Variants in AMTN observed in about 807,000 individuals in gnomAD.
AMTN encodes the protein amelotin.
Under a neutral mutation model 27.4 loss-of-function variants are expected in AMTN, and 29 were observed. The ratio of observed to expected loss-of-function variants is 1.06; its 90% CI spans 0.79 to 1.44. The LOEUF (loss-of-function observed/expected upper bound fraction) is 1.44, where lower values mean the gene tolerates loss of function less well. Ranked by LOEUF, AMTN falls within the 40% of genes most tolerant of loss-of-function variation. AMTN has a pLI of 0.00. For missense variants in AMTN, 247 were observed against 248.8 expected (o/e 0.99, Z 0.05); for synonymous variants, 86 against 95.7 (o/e 0.90, Z 0.59).
intron 2 of AMTN, 128 bp downstream of exon 2, chr4:70,518,959 G>A (rs926128202): frequency 1.0e-5 from 8 of 767,136 alleles, no homozygotes; most frequent in African/African-American, 7.0e-5. Context: ...AGTGTCCAGT[G>A]TTTATTTTCC....
At chr4:70,526,588 C>T (rs28670765) in intron 5 of AMTN, among the ~76,000 whole-genome samples, 17,725 of 152,088 alleles carry the variant, frequency 0.12, 1,278 homozygotes, top group Middle Eastern at 0.23. Context: ...ATTTAAGATG[C>T]AAATAAAAAG....
intron 2 of AMTN, among the ~76,000 whole-genome samples, chr4:70,521,058 G>A (rs1278578509): frequency 6.6e-6 from 1 of 152,098 alleles, no homozygotes; most frequent in African/African-American, 2.4e-5. Context: ...GACCACTGTG[G>A]GGTCTCTGGC....
rs151199095 is a variant in AMTN, at chr4:70,527,780, C to T, written c.295-943C>T. Among the ~76,000 whole-genome samples the T allele has an allele frequency of 2.6e-3, 392 of 152,204 alleles. 2 individuals are homozygous for T. Among genetic ancestry groups the T allele is most frequent in the Middle Eastern group, 0.024 (7 of 294 alleles). On this transcript the variant is annotated intron_variant, in intron 5 of 8. Coordinates refer to ENST00000339336, the MANE Select transcript of AMTN (RefSeq NM_212557.4). ...TAGCTTTCTTTGACAAACTTCTGGC[C>T]GGTTCTCAAAGTAGCAGAGTATGGG...
chr4:70,522,482 A>G (rs1735995404), intron 2 of AMTN, among the ~76,000 whole-genome samples: 1 of 152,188 alleles, frequency 6.6e-6, no homozygotes, highest in African/African-American at 2.4e-5. Flanking sequence ...GGTACAGAAA[A>G]GAAATGGGAG....
chr4:70,532,567 T>A lies in AMTN; in HGVS notation c.*102T>A, dbSNP rs1334930785. The A allele has an allele frequency of 9.6e-7, 1 of 1,046,688 alleles. No individual in the cohort carries two copies. The highest frequency in any genetic ancestry group is 1.4e-6 in the Non-Finnish European group (1 of 709,640). 64.8% of individuals were successfully genotyped at this position (1,046,688 alleles called of 1,614,324 possible). On this transcript the variant is annotated 3_prime_UTR_variant, in exon 9 of 9. Coordinates refer to ENST00000339336, the MANE Select transcript of AMTN (RefSeq NM_212557.4). ...GAATAGATTGAGACACATTGGATAG[T>A]CTTAGAAGAAATTAATTCTTAATTT...
At chr4:70,520,042 C>T (rs925987859) in intron 2 of AMTN, among the ~76,000 whole-genome samples, 1 of 148,736 alleles carries the variant, frequency 6.7e-6, no homozygotes, top group Admixed American at 6.8e-5. Context: ...TCTTTCACTT[C>T]GTCAAATACA....
At chr4:70,521,484 G>A (rs568398203) in intron 2 of AMTN, among the ~76,000 whole-genome samples, 66 of 148,844 alleles carry the variant, frequency 4.4e-4, no homozygotes, top group South Asian at 2.5e-3. Flanking sequence ...ATTTTCACAG[G>A]GTCACTCTGG....
At chr4:70,524,261 T>C (rs931398938) in intron 4 of AMTN, among the ~76,000 whole-genome samples, 21 of 152,120 alleles carry the variant, frequency 1.4e-4, no homozygotes, top group African/African-American at 5.1e-4. Context: ...ATAAACACTA[T>C]CACTGCTATT....
rs113159590 is a variant in AMTN, at chr4:70,522,887, G to A, written c.138+49G>A. The A allele has an allele frequency of 1.9e-3, 3,014 of 1,562,436 alleles. 6 individuals are homozygous for A. The highest frequency in any genetic ancestry group is 2.3e-3 in the Non-Finnish European group (2,648 of 1,133,930). On this transcript the variant is annotated intron_variant, in intron 3 of 8. Coordinates refer to ENST00000339336, the MANE Select transcript of AMTN (RefSeq NM_212557.4). The stretch of plus-strand genomic sequence containing the variant: ...ATGTACAAACCGGTAAAGAAAATAC[G>A]GAACATGTACAAACCGGTAAAGAAA...
intron 2 of AMTN, among the ~76,000 whole-genome samples, chr4:70,522,033 G>C (rs1451188801): frequency 6.6e-6 from 1 of 152,136 alleles, no homozygotes; most frequent in Non-Finnish European, 1.5e-5. Flanking sequence ...CCACACCCCT[G>C]TGCCTTCCAG....
At chr4:70,529,395 G>C (rs1193664888) in intron 7 of AMTN, among the ~76,000 whole-genome samples, 185 bp downstream of exon 7, 1 of 152,032 alleles carries the variant, frequency 6.6e-6, no homozygotes, top group Non-Finnish European at 1.5e-5. Flanking sequence ...TACTTCTCCA[G>C]CTACTTTTCT....
chr4:70,518,898 TC>T (rs1425102915), intron 2 of AMTN, 67 bp downstream of exon 2: 35 of 1,272,906 alleles, frequency 2.7e-5, no homozygotes, highest in Non-Finnish European at 3.8e-5. Context: ...CAGACCTACC[TC>T]TCTCCTGCCC....
chr4:70,531,555 C>T (rs1041216978), intron 8 of AMTN, among the ~76,000 whole-genome samples: 1 of 152,134 alleles, frequency 6.6e-6, no homozygotes, highest in Admixed American at 6.5e-5. Context: ...CTCTGTTGCC[C>T]GGGCTGGAGT....
At chr4:70,526,537 A>C (rs1443449209) in intron 5 of AMTN, among the ~76,000 whole-genome samples, 1 of 152,152 alleles carries the variant, frequency 6.6e-6, no homozygotes, top group African/African-American at 2.4e-5. Flanking sequence ...AAGTATCTTG[A>C]TAATAAAATT....
chr4:70,530,770 A>C (rs1426213024), intron 7 of AMTN, among the ~76,000 whole-genome samples: 1 of 152,120 alleles, frequency 6.6e-6, no homozygotes, highest in Non-Finnish European at 1.5e-5. Context: ...TTTTTGAAAA[A>C]ATGTTATGAG....
chr4:70,521,640 C>CTTTTTTTTTTTTTTTTTTTTTT lies in AMTN; in HGVS notation c.55-1100_55-1079dup, dbSNP rs763143860. Among the ~76,000 whole-genome samples the CTTTTTTTTTTTTTTTTTTTTTT allele has an allele frequency of 1.2e-4, 9 of 76,486 alleles. 2 individuals carry two copies. Among genetic ancestry groups the CTTTTTTTTTTTTTTTTTTTTTT allele is most frequent in the East Asian group, 1.1e-3 (2 of 1,884 alleles). The allele number at this position is 76,486 out of a possible 152,430, so 50.2% of individuals were successfully genotyped here. On this transcript the variant is annotated intron_variant, in intron 2 of 8. Transcript: ENST00000339336. ...CCTAGAACAGATAATACCAACCTCTCTTTTTTTTTTTTTTTTTTTTTTTTT... is the reference window on the plus strand; with the variant it reads ...CCTAGAACAGATAATACCAACCTCTCTTTTTTTTTTTTTTTTTTTTTTTTTTTTTTTTTTTTTTTTTTTTTTT...
chr4:70,522,799 G>A lies in AMTN; in HGVS notation c.99G>A (p.Pro33=), dbSNP rs777319072. The change falls in exon 3 of 9, where the codon CCG becomes CCA. Residue 33 remains proline (P), a synonymous_variant. Coordinates refer to ENST00000339336, the MANE Select transcript of AMTN (RefSeq NM_212557.4). ...GACTCCCTCCCACAAAACTGGCTCC[G>A]GATCAGGGAACACTACCAAACCAAC... ...ALGLPPTKLA[P]DQGTLPNQQQ... is the part of the protein sequence containing the mutation. 47 of 1,613,378 alleles carry A rather than the reference G, an allele frequency of 2.9e-5. No individual in the cohort carries two copies. The highest frequency in any genetic ancestry group is 1.6e-4 in the Middle Eastern group (1 of 6,076).
intron 2 of AMTN, among the ~76,000 whole-genome samples, chr4:70,519,917 T>G (rs1466968951): frequency 1.3e-5 from 2 of 148,566 alleles, no homozygotes; most frequent in Admixed American, 6.7e-5. Context: ...TACATACGTG[T>G]GTGTGTGTGT....
intron 8 of AMTN, 121 bp downstream of exon 8, chr4:70,531,421 TACTC>T: frequency 7.6e-7 from 1 of 1,312,540 alleles, no homozygotes; most frequent in Non-Finnish European, 1.0e-6. Context: ...GAAGCCCCTT[TACTC>T]ACTCACAGTT....
Sources: allele counts gnomAD v4.1 joint callset (sites outside exome capture counted in the v4.1 genomes callset), GRCh38; gene constraint gnomAD v4.1.1; transcripts MANE v1.5; gene names NCBI Gene and HGNC (gene_info 2026-07-23, HGNC 2026-07-21).